NKAIN2: variants seen among roughly 807,000 people sequenced by gnomAD.
NKAIN2 encodes the protein sodium/potassium-transporting ATPase subunit beta-1-interacting protein 2.
Under a neutral mutation model 32.6 loss-of-function variants are expected in NKAIN2, and 14 were observed. The observed-to-expected ratio is 0.43, with a 90% CI of 0.28 to 0.67. The LOEUF is 0.67. NKAIN2 is among the 30% of genes least tolerant of loss of function. The pLI, the probability that NKAIN2 is intolerant of heterozygous loss-of-function variation, is 0.17. For synonymous variants in NKAIN2, 80 were observed against 87.2 expected, an observed-to-expected ratio of 0.92 and a Z score of 0.46; for missense variants, 198 against 258.3, an observed-to-expected ratio of 0.77 and a Z score of 1.60.
At chr6:124,083,728 C>A (rs1258717248) in intron 1 of NKAIN2, among the ~76,000 whole-genome samples, 1 of 151,940 alleles carries the variant, frequency 6.6e-6, no homozygotes, top group Non-Finnish European at 1.5e-5. Context: ...AGTTAAAGTA[C>A]ATGCAAAAAA....
At chr6:124,647,943 T>C (rs1243253617) in intron 3 of NKAIN2, among the ~76,000 whole-genome samples, 3 of 152,096 alleles carry the variant, frequency 2.0e-5, no homozygotes, top group East Asian at 1.9e-4. Flanking sequence ...ACACGAGAAA[T>C]GTTAAAGAGA....
At chr6:124,787,637 G>A (rs1360111837) in intron 4 of NKAIN2, among the ~76,000 whole-genome samples, 1 of 152,096 alleles carries the variant, frequency 6.6e-6, no homozygotes, top group Non-Finnish European at 1.5e-5. Flanking sequence ...ATTGGTGAGA[G>A]ATGAGGCTAG....
At chr6:123,854,287 A>G (rs553760707) in intron 1 of NKAIN2, among the ~76,000 whole-genome samples, 1 of 152,340 alleles carries the variant, frequency 6.6e-6, no homozygotes, top group African/African-American at 2.4e-5. Context: ...AACACAGGAC[A>G]TAAGGCAGAG....
At chr6:124,415,407 G>A (rs1333319735) in intron 3 of NKAIN2, among the ~76,000 whole-genome samples, 1 of 152,174 alleles carries the variant, frequency 6.6e-6, no homozygotes, top group Non-Finnish European at 1.5e-5. Flanking sequence ...GATAAGGCGA[G>A]GCATGGGGGA....
At chr6:123,944,175 T>G (rs1472072331) in intron 1 of NKAIN2, among the ~76,000 whole-genome samples, 2 of 152,028 alleles carry the variant, frequency 1.3e-5, no homozygotes, top group Non-Finnish European at 2.9e-5. Flanking sequence ...TGGAGTGCCT[T>G]TCTTAGTTTC....
At chr6:124,804,565 C>G (rs532320897) in intron 5 of NKAIN2, 3 of 183,794 alleles carry the variant, frequency 1.6e-5, no homozygotes, top group South Asian at 1.8e-4. Context: ...GCGTGAGCGA[C>G]GCAGAAGACA....
rs1780545046 is a variant in NKAIN2, at chr6:124,558,120, A to G, written c.274-100066A>G. The stretch of plus-strand genomic sequence containing the variant: ...ATCTCAACCTTTCTCTCTGCAGTTT[A>G]TGATGGTGATAGCAGCTAGATGGGG... On this transcript the variant is annotated intron_variant, in intron 3 of 6. Transcript: ENST00000368417. Among the ~76,000 whole-genome samples, 4 of 152,226 alleles carry G rather than the reference A, an allele frequency of 2.6e-5. No individual in the cohort carries two copies. In the South Asian group the frequency reaches 8.3e-4, roughly 31 times the overall value.
chr6:124,680,634 A>T (rs1361107106), intron 4 of NKAIN2, among the ~76,000 whole-genome samples: 1 of 152,110 alleles, frequency 6.6e-6, no homozygotes, highest in Non-Finnish European at 1.5e-5. Flanking sequence ...CAAATACTGT[A>T]TATATGCATA....
intron 4 of NKAIN2, among the ~76,000 whole-genome samples, chr6:124,706,656 A>G (rs906010299): frequency 6.6e-6 from 1 of 152,186 alleles, no homozygotes; most frequent in Non-Finnish European, 1.5e-5. Context: ...GAAAAGTCTC[A>G]GTATAAATAA....
intron 3 of NKAIN2, among the ~76,000 whole-genome samples, chr6:124,544,693 A>G (rs1196717313): frequency 6.6e-6 from 1 of 152,162 alleles, no homozygotes; most frequent in Non-Finnish European, 1.5e-5. Flanking sequence ...GTCTGATTAA[A>G]TACAATGAGT....
rs1043661189 is a variant in NKAIN2 at position 124,408,641 on chromosome 6, G to A, written c.273+53294G>A. 3.9e-5 allele frequency among the ~76,000 whole-genome samples: 6 copies of A among 152,164 alleles called. No homozygotes were observed. The East Asian group carries it at 9.6e-4, about 24-fold the overall frequency. ...GAAGTCAGGTAGTGTGATGCCTCCA[G>A]CTTTGTTCTTTTGGCTTAGGATTGT... On this transcript the variant is annotated intron_variant, in intron 3 of 6. Coordinates refer to ENST00000368417, the MANE Select transcript of NKAIN2 (RefSeq NM_001040214.3).
chr6:124,642,290 C>T (rs1784022564), intron 3 of NKAIN2, among the ~76,000 whole-genome samples: 3 of 152,170 alleles, frequency 2.0e-5, no homozygotes. Flanking sequence ...TTCCTCGCAT[C>T]TTGAACAATA....
chr6:124,700,821 C>T (rs1470264610), intron 4 of NKAIN2, among the ~76,000 whole-genome samples: 1 of 151,212 alleles, frequency 6.6e-6, no homozygotes, highest in Non-Finnish European at 1.5e-5. Flanking sequence ...CCTTAAATTC[C>T]AATAAAAAGG....
At chr6:124,421,074 TA>T (rs35625714) in intron 3 of NKAIN2, among the ~76,000 whole-genome samples, 1,356 of 133,718 alleles carry the variant, frequency 0.01, 9 homozygotes, top group East Asian at 0.053. Flanking sequence ...CTGTCAAAAT[TA>T]AAAAAAAAAA....
chr6:123,955,382 G>A (rs917512314), intron 1 of NKAIN2, among the ~76,000 whole-genome samples: 1 of 151,612 alleles, frequency 6.6e-6, no homozygotes, highest in Non-Finnish European at 1.5e-5. Context: ...TACAGCACAC[G>A]GTTAGTATAT....
At chr6:124,538,530 T>C (rs772676468) in intron 3 of NKAIN2, among the ~76,000 whole-genome samples, 1 of 152,106 alleles carries the variant, frequency 6.6e-6, no homozygotes, top group Non-Finnish European at 1.5e-5. Context: ...TCTGATATGT[T>C]TACATGCAGC....
chr6:124,057,263 G>A (rs1282795203), intron 1 of NKAIN2, among the ~76,000 whole-genome samples: 1 of 151,936 alleles, frequency 6.6e-6, no homozygotes, highest in African/African-American at 2.4e-5. Context: ...AACCAAACAG[G>A]TTGTTCTCAT....
At chr6:124,063,750 G>T (rs1157479492) in intron 1 of NKAIN2, among the ~76,000 whole-genome samples, 2 of 151,906 alleles carry the variant, frequency 1.3e-5, no homozygotes, top group African/African-American at 4.8e-5. Context: ...TCCTAATTTA[G>T]TATATTTATT....
At chr6:124,307,454 A>G (rs73773731) in intron 2 of NKAIN2, among the ~76,000 whole-genome samples, 3,672 of 152,238 alleles carry the variant, frequency 0.024, 143 homozygotes, top group African/African-American at 0.083. Flanking sequence ...ATTGGATGCT[A>G]TTAATGGTTG....
Sources: gnomAD v4.1 joint callset for allele counts (sites outside exome capture counted in the v4.1 genomes callset) on GRCh38, gnomAD v4.1.1 for gene constraint, MANE v1.5 for transcripts, NCBI Gene and HGNC (gene_info 2026-07-23, HGNC 2026-07-21) for gene names.